Variants in CSMD1 observed in about 807,000 individuals in gnomAD.
CSMD1 encodes CUB and sushi domain-containing protein 1.
CSMD1 carries 213 observed loss-of-function variants against 417.5 expected under a neutral mutation model. That is an observed-to-expected ratio of 0.51 (90% CI 0.46 to 0.57). CSMD1 has a LOEUF of 0.57. CSMD1 is among the 20% of genes least tolerant of loss of function. The probability of loss-of-function intolerance (pLI) is 0.00; values close to 1 mark genes in which losing one functional copy is unlikely to be tolerated. For synonymous variants in CSMD1, 2,862 were observed against 1,736.8 expected (o/e 1.65, Z -16.11); for missense variants, 6,923 against 4,529.7 (o/e 1.53, Z -15.17).
intron 3 of CSMD1, among the ~76,000 whole-genome samples, chr8:4,242,639 G>T (rs1231252490): frequency 6.6e-6 from 1 of 152,142 alleles, no homozygotes; most frequent in East Asian, 1.9e-4. Context: ...ATCTTTGTGT[G>T]TTTGGAAATA....
At chr8:3,733,135 T>G (rs1380962101) in intron 6 of CSMD1, among the ~76,000 whole-genome samples, 2 of 149,372 alleles carry the variant, frequency 1.3e-5, no homozygotes, top group Non-Finnish European at 3.0e-5. Flanking sequence ...TGAAAGAAGT[T>G]AGGAATTAGA....
At chr8:3,063,184 C>T (rs146103375) in intron 49 of CSMD1, among the ~76,000 whole-genome samples, 5 of 152,262 alleles carry the variant, frequency 3.3e-5, no homozygotes, top group Admixed American at 3.3e-4. Context: ...GGAGCCTATC[C>T]TCATCCTCCC....
At chr8:3,930,955 T>C (rs1277617206) in intron 5 of CSMD1, among the ~76,000 whole-genome samples, 2 of 150,586 alleles carry the variant, frequency 1.3e-5, no homozygotes, top group Admixed American at 6.6e-5. Context: ...AAACCTAAAA[T>C]ACATCAGCAA....
chr8:3,817,267 T>C (rs1801434767), intron 5 of CSMD1, among the ~76,000 whole-genome samples: 3 of 30,500 alleles, frequency 9.8e-5, no homozygotes, highest in African/African-American at 6.0e-4. Context: ...TTTTTTTTTT[T>C]TTTTTTTTTT....
At chr8:3,003,774 G>A (rs1807634485) in intron 52 of CSMD1, among the ~76,000 whole-genome samples, 1 of 152,146 alleles carries the variant, frequency 6.6e-6, no homozygotes, top group African/African-American at 2.4e-5. Context: ...CAGGACTCCT[G>A]GTGAAAGAGG....
chr8:4,041,172 A>G (rs7814739), intron 3 of CSMD1, among the ~76,000 whole-genome samples: 39,846 of 150,606 alleles, frequency 0.26, 5,357 homozygotes, highest in Admixed American at 0.29. Flanking sequence ...GCCCGCCACC[A>G]CGCCCGGCTA....
chr8:3,896,525 A>T (rs1807377974), intron 5 of CSMD1, among the ~76,000 whole-genome samples: 1 of 151,592 alleles, frequency 6.6e-6, no homozygotes, highest in South Asian at 2.1e-4. Flanking sequence ...TATTATTATT[A>T]TTTTGAGACA....
chr8:4,596,738 C>G (rs371888264), intron 2 of CSMD1, among the ~76,000 whole-genome samples: 1 of 152,128 alleles, frequency 6.6e-6, no homozygotes, highest in African/African-American at 2.4e-5. Flanking sequence ...AAGGAACAAA[C>G]GAAATACACA....
At chr8:3,854,621 C>G (rs905012465) in intron 5 of CSMD1, among the ~76,000 whole-genome samples, 1 of 151,870 alleles carries the variant, frequency 6.6e-6, no homozygotes, top group Non-Finnish European at 1.5e-5. Context: ...TCTGGTAGCT[C>G]CATTGTCAGG....
At chr8:4,179,081 A>G (rs886616856) in intron 3 of CSMD1, among the ~76,000 whole-genome samples, 2 of 152,268 alleles carry the variant, frequency 1.3e-5, no homozygotes, top group Admixed American at 1.3e-4. Flanking sequence ...AAACTACTTT[A>G]AAGTTCATAT....
intron 5 of CSMD1, among the ~76,000 whole-genome samples, chr8:3,902,477 G>A (rs548719033): frequency 2.6e-5 from 4 of 152,156 alleles, no homozygotes; most frequent in African/African-American, 7.2e-5. Flanking sequence ...GACTCAAGTG[G>A]CAGGGGATAG....
At chr8:3,897,052 G>C (rs1192435575) in intron 5 of CSMD1, among the ~76,000 whole-genome samples, 1 of 151,756 alleles carries the variant, frequency 6.6e-6, no homozygotes, top group East Asian at 1.9e-4. Flanking sequence ...CTTTTATTAA[G>C]GGAAATTATT....
At chr8:4,021,926 A>G (rs904760640) in intron 4 of CSMD1, among the ~76,000 whole-genome samples, 3 of 152,002 alleles carry the variant, frequency 2.0e-5, no homozygotes, top group African/African-American at 7.2e-5. Flanking sequence ...AAAGCTGACT[A>G]GCTCTTTTGA....
chr8:3,693,124 C>G lies in CSMD1; in HGVS notation c.1009+15290G>C, dbSNP rs760680249. Among the ~76,000 whole-genome samples the G allele has an allele frequency of 3.8e-4, 58 of 151,876 alleles. No individual in the cohort carries two copies. In the Middle Eastern group the frequency reaches 0.024, roughly 63 times the overall value. The stretch of plus-strand genomic sequence containing the variant: ...TCAATACATAGAGATAAATAGATAC[C>G]AATAGATAGTCACCCACACTGTGTC... On this transcript the variant is annotated intron_variant, in intron 7 of 69. Transcript: ENST00000635120.
chr8:4,433,839 G>A (rs201548982), intron 2 of CSMD1, among the ~76,000 whole-genome samples: 1 of 151,896 alleles, frequency 6.6e-6, no homozygotes, highest in African/African-American at 2.4e-5. Context: ...GAAAAAAAGG[G>A]AAAAAAGACT....
chr8:4,609,993 T>G (rs1458420886), intron 2 of CSMD1, among the ~76,000 whole-genome samples: 1 of 151,664 alleles, frequency 6.6e-6, no homozygotes, highest in Non-Finnish European at 1.5e-5. Flanking sequence ...TTACTAAACC[T>G]ATGGGAATGA....
chr8:3,387,667 G>T lies in CSMD1; in HGVS notation c.2609C>A (p.Ser870Ter). 6.3e-7 allele frequency: 1 copy of T among 1,596,326 alleles called. No individual in the cohort carries two copies. The highest frequency in any genetic ancestry group is 1.7e-5 in the Admixed American group (1 of 57,456). ...GATGCCCGGGTCCAGGCAGGAATCCGACTCAAGCGTCACACCTGGATGCAC... is the reference window on the plus strand; with the variant it reads ...GATGCCCGGGTCCAGGCAGGAATCCTACTCAAGCGTCACACCTGGATGCAC... ...LIHYESVTLE[S>*]DSCLDPGIPV... Residue 870 changes from serine to a stop codon, truncating the protein, a stop_gained, in exon 18 of 70, where the codon TCG becomes TAG. Coordinates refer to ENST00000635120, the MANE Select transcript of CSMD1 (RefSeq NM_033225.6). LOFTEE classifies it high-confidence loss of function.
rs1030937405 is a variant in CSMD1 at position 4,898,039 on chromosome 8, T to A, written c.85+96293A>T. 2.6e-5 allele frequency among the ~76,000 whole-genome samples: 4 copies of A among 152,132 alleles called. No homozygotes were observed. In the East Asian group the frequency reaches 7.7e-4, roughly 29 times the overall value. ...GACTTCAGTTTATAAAACAAGAAAATTAAAGAAAATTTGGTTTTATTAGTT... is the reference window on the plus strand; with the variant it reads ...GACTTCAGTTTATAAAACAAGAAAAATAAAGAAAATTTGGTTTTATTAGTT... On this transcript the variant is annotated intron_variant, in intron 1 of 69. Transcript: ENST00000635120.
chr8:3,763,573 G>A (rs563499501), intron 5 of CSMD1, among the ~76,000 whole-genome samples: 37 of 152,210 alleles, frequency 2.4e-4, no homozygotes, highest in African/African-American at 3.9e-4. Flanking sequence ...TGCTAGCCCC[G>A]TTTGGTACAG....
Sources: allele counts gnomAD v4.1 joint callset (sites outside exome capture counted in the v4.1 genomes callset), GRCh38; gene constraint gnomAD v4.1.1; transcripts MANE v1.5; gene names NCBI Gene and HGNC (gene_info 2026-07-23, HGNC 2026-07-21).